The following CCT6B variants were observed in gnomAD, a reference collection of about 807,000 sequenced individuals.
The protein encoded by CCT6B is probable T-complex protein 1 subunit zeta-2.
CCT6B carries 49 observed loss-of-function variants against 61.5 expected under a neutral mutation model. The ratio of observed to expected loss-of-function variants is 0.80; its 90% CI spans 0.63 to 1.01. The LOEUF is 1.01. CCT6B is among the 50% of genes least tolerant of loss of function. CCT6B has a pLI of 0.00. For synonymous variants in CCT6B, 228 were observed against 214.5 expected (o/e 1.06, Z -0.55); for missense variants, 666 against 634.7 (o/e 1.05, Z -0.53).
chr17:34,938,247 A>G (rs905074451), intron 10 of CCT6B, among the ~76,000 whole-genome samples: 1 of 152,172 alleles, frequency 6.6e-6, no homozygotes, highest in Non-Finnish European at 1.5e-5. Flanking sequence ...CCAGATATAC[A>G]AAGGGCAAAT....
chr17:34,939,787 T>A, intron 8 of CCT6B, 74 bp from the exon 9 acceptor site: 1 of 921,146 alleles, frequency 1.1e-6, no homozygotes, highest in Non-Finnish European at 1.8e-6. Context: ...AGAAGATATC[T>A]AATGCAGAAG....
intron 1 of CCT6B, 46 bp downstream of exon 1, chr17:34,961,211 C>T: frequency 6.4e-7 from 1 of 1,562,032 alleles, no homozygotes; most frequent in African/African-American, 1.4e-5. Context: ...GACAGGACAC[C>T]AACGGGCCCC....
At chr17:34,945,734 A>T (rs2090216261) in intron 5 of CCT6B, among the ~76,000 whole-genome samples, 3 of 152,220 alleles carry the variant, frequency 2.0e-5, no homozygotes. Flanking sequence ...CCTCAGCAAT[A>T]GTAGGCTAAC....
chr17:34,934,678 C>G (rs1374289861), intron 10 of CCT6B, among the ~76,000 whole-genome samples: 9 of 152,150 alleles, frequency 5.9e-5, no homozygotes, highest in Non-Finnish European at 2.9e-5. Flanking sequence ...AGCTTTCCCA[C>G]AAAGAAAACT....
Position 34,952,752 on chromosome 17 carries a change from G to T in CCT6B, c.511-699C>A, listed in dbSNP as rs578130036. On this transcript the variant is annotated intron_variant, in intron 4 of 13. Transcript: ENST00000314144. ...AATAATAAATAACTGCAGAAATTAAGGGCTAAGTTATAACTACCCTAAAAT... is the reference window on the plus strand; with the variant it reads ...AATAATAAATAACTGCAGAAATTAATGGCTAAGTTATAACTACCCTAAAAT... 3.3e-5 allele frequency among the ~76,000 whole-genome samples: 5 copies of T among 152,184 alleles called. No individual in the cohort carries two copies. The East Asian group carries it at 9.6e-4, about 29-fold the overall frequency.
intron 2 of CCT6B, among the ~76,000 whole-genome samples, chr17:34,959,111 CAA>C (rs1221182616): frequency 9.2e-6 from 1 of 108,564 alleles, no homozygotes; most frequent in Non-Finnish European, 1.9e-5. Flanking sequence ...TGGAAACAGC[CAA>C]AAAAAAAAAC....
intron 3 of CCT6B, among the ~76,000 whole-genome samples, chr17:34,956,772 G>T (rs2090351633): frequency 6.6e-6 from 1 of 151,696 alleles, no homozygotes; most frequent in South Asian, 2.1e-4. Context: ...GTCTTTCTTC[G>T]CTCTCCTCTG....
chr17:34,945,643 C>T (rs2142160181), intron 5 of CCT6B, among the ~76,000 whole-genome samples: 1 of 152,268 alleles, frequency 6.6e-6, no homozygotes, highest in East Asian at 1.9e-4. Flanking sequence ...CCTCTTTTAT[C>T]TCCCAATCAG....
intron 5 of CCT6B, among the ~76,000 whole-genome samples, chr17:34,944,883 G>A (rs572513085): frequency 2.0e-5 from 3 of 152,328 alleles, no homozygotes; most frequent in Admixed American, 2.0e-4. Flanking sequence ...CCGCGATCGC[G>A]CCACTGGACT....
chr17:34,940,684 G>A, intron 7 of CCT6B, 63 bp from the exon 8 acceptor site: 1 of 838,000 alleles, frequency 1.2e-6, no homozygotes, highest in Non-Finnish European at 1.9e-6. Context: ...CAAACCTTTT[G>A]GTCTCAGCAC....
chr17:34,942,587 T>C lies in CCT6B; in HGVS notation c.782A>G (p.Lys261Arg). 2.5e-6 allele frequency: 4 copies of C among 1,608,390 alleles called. No homozygotes were observed. The highest frequency in any genetic ancestry group is 2.5e-6 in the Non-Finnish European group (3 of 1,177,396). ...KTAEEKEKLV[K>R]AERKFIEDRV... Reference sequence around the variant, plus strand: ...ATCTTCAATAAATTTTCTTTCAGCTTTTACCAATTTCTCTTTCTCTTCTGC... The same window carrying C: ...ATCTTCAATAAATTTTCTTTCAGCTCTTACCAATTTCTCTTTCTCTTCTGC... The change falls in exon 7 of 14, where the codon AAA becomes AGA. Residue 261 changes from lysine (K) to arginine (R), a missense_variant. Transcript: ENST00000314144.
At chr17:34,950,656 C>A (rs140735215) in intron 5 of CCT6B, among the ~76,000 whole-genome samples, 20 of 152,256 alleles carry the variant, frequency 1.3e-4, no homozygotes, top group Middle Eastern at 3.4e-3. Context: ...TGGGGCCGGG[C>A]GTGGTGGCTC....
In CCT6B at chr17:34,951,966, A is replaced by C; in HGVS notation, c.598T>G (p.Leu200Val). 1 of 1,585,182 alleles carries C rather than the reference A, an allele frequency of 6.3e-7. No individual in the cohort carries two copies. Residue 200 changes from leucine to valine, a missense_variant, in exon 5 of 14, where the codon TTA becomes GTA. Transcript: ENST00000314144. The part of the protein sequence containing the change: ...MVEIMEMKHK[L>V]GTDTKLIQGL... ...GTAATTTACTTTGTATCTGTTCCTA[A>C]TTTATGCTTCATCTCCATTATTTCT...
intron 5 of CCT6B, among the ~76,000 whole-genome samples, chr17:34,944,876 C>T (rs185255973): frequency 5.0e-4 from 76 of 152,284 alleles, no homozygotes; most frequent in Admixed American, 4.6e-4. Context: ...CAGTGAGCCG[C>T]GATCGCGCCA....
chr17:34,928,713 T>C (rs976093795), intron 13 of CCT6B, among the ~76,000 whole-genome samples: 1 of 152,222 alleles, frequency 6.6e-6, no homozygotes, highest in African/African-American at 2.4e-5. Context: ...TCAGTAAATT[T>C]CCCCTTTTCT....
At chr17:34,957,135 T>C (rs1394632816) in intron 3 of CCT6B, among the ~76,000 whole-genome samples, 1 of 127,132 alleles carries the variant, frequency 7.9e-6, no homozygotes. Context: ...TCTTTCCTTT[T>C]TCTTTCCATT....
intron 13 of CCT6B, 140 bp from the exon 14 acceptor site, chr17:34,928,257 AC>A: frequency 2.0e-6 from 1 of 488,976 alleles, no homozygotes; most frequent in Non-Finnish European, 3.7e-6. Context: ...TATTATAAAT[AC>A]AAATACAAAT....
At position 34,961,315 on chromosome 17, in the gene CCT6B, C is replaced by A; in HGVS notation, c.79G>T (p.Ala27Ser). The change falls in exon 1 of 14, where the codon GCC (alanine) becomes TCC (serine). Residue 27 changes from alanine to serine, a missense_variant. Transcript: ENST00000314144. ...RAALAVNICAARGLQDVLRTN... is the reference protein window; with the variant it reads ...RAALAVNICASRGLQDVLRTN... ...CGCAGCACATCCTGCAGCCCTCGGGCGGCGCATATATTGACAGCCAAAGCT... is the reference window on the plus strand; with the variant it reads ...CGCAGCACATCCTGCAGCCCTCGGGAGGCGCATATATTGACAGCCAAAGCT... 6.2e-7 allele frequency: 1 copy of A among 1,613,052 alleles called. No homozygotes were observed. Among genetic ancestry groups the A allele is most frequent in the Non-Finnish European group, 8.5e-7 (1 of 1,179,898 alleles).
intron 3 of CCT6B, among the ~76,000 whole-genome samples, chr17:34,955,987 C>G (rs2090343351): frequency 6.6e-6 from 1 of 152,194 alleles, no homozygotes; most frequent in South Asian, 2.1e-4. Context: ...ACCCCACAAT[C>G]TCTCATCCAG....
Sources: gnomAD v4.1 joint callset for allele counts (sites outside exome capture counted in the v4.1 genomes callset) on GRCh38, gnomAD v4.1.1 for gene constraint, MANE v1.5 for transcripts, NCBI Gene and HGNC (gene_info 2026-07-23, HGNC 2026-07-21) for gene names.